ADD3: variants seen among roughly 807,000 people sequenced by gnomAD.
ADD3 encodes gamma-adducin.
ADD3 carries 25 observed loss-of-function variants against 80.2 expected under a neutral mutation model. The ratio of observed to expected loss-of-function variants is 0.31; its 90% CI spans 0.23 to 0.44. The LOEUF (loss-of-function observed/expected upper bound fraction) is 0.44. ADD3 is among the 20% of genes least tolerant of loss of function. The pLI, the probability that ADD3 is intolerant of heterozygous loss-of-function variation, is 1.00. For synonymous variants in ADD3, 284 were observed against 289.6 expected (o/e 0.98, Z 0.20); for missense variants, 829 against 847.5 (o/e 0.98, Z 0.27).
chr10:110,061,814 AAAGT>A (rs963194413), intron 1 of ADD3, among the ~76,000 whole-genome samples: 2 of 152,204 alleles, frequency 1.3e-5, no homozygotes, highest in Non-Finnish European at 2.9e-5. Flanking sequence ...TCACTTGAGC[AAAGT>A]GAGTGCTAGA....
chr10:110,014,356 T>C (rs768207331), intron 1 of ADD3, among the ~76,000 whole-genome samples: 1 of 152,228 alleles, frequency 6.6e-6, no homozygotes, highest in East Asian at 1.9e-4. Context: ...TGATTGGGCA[T>C]AAGTGCCTTG....
At chr10:110,050,027 A>C (rs2133381673) in intron 1 of ADD3, among the ~76,000 whole-genome samples, 1 of 152,262 alleles carries the variant, frequency 6.6e-6, no homozygotes, top group African/African-American at 2.4e-5. Context: ...TGTATCCAGG[A>C]TGTAACTAAC....
At chr10:110,094,389 CTG>C (rs1484302403) in intron 1 of ADD3, among the ~76,000 whole-genome samples, 1 of 152,102 alleles carries the variant, frequency 6.6e-6, no homozygotes, top group Non-Finnish European at 1.5e-5. Flanking sequence ...TTCCTCTCAT[CTG>C]TAAAAAGTGA....
intron 1 of ADD3, among the ~76,000 whole-genome samples, chr10:110,034,089 C>A (rs1361261891): frequency 6.6e-6 from 1 of 152,162 alleles, no homozygotes; most frequent in African/African-American, 2.4e-5. Flanking sequence ...CTAGTTCCAT[C>A]CCGTGGAGCT....
At chr10:110,016,875 A>C (rs1465579135) in intron 1 of ADD3, among the ~76,000 whole-genome samples, 1 of 152,220 alleles carries the variant, frequency 6.6e-6, no homozygotes, top group Non-Finnish European at 1.5e-5. Flanking sequence ...GTGGAGGTTT[A>C]AGGTATCTGG....
intron 1 of ADD3, among the ~76,000 whole-genome samples, chr10:110,040,747 A>G (rs1856208826): frequency 6.6e-6 from 1 of 152,170 alleles, no homozygotes; most frequent in African/African-American, 2.4e-5. Context: ...GCCAGGAGAG[A>G]GAGAGTGCCT....
intron 1 of ADD3, among the ~76,000 whole-genome samples, chr10:110,065,484 GTCTGTC>G (rs1015518434): frequency 5.6e-4 from 11 of 19,708 alleles, no homozygotes; most frequent in African/African-American, 9.7e-4. Flanking sequence ...GTCTGTCTCT[GTCTGTC>G]TCTCTCTCTC....
chr10:110,021,114 A>G (rs1026303074), intron 1 of ADD3, among the ~76,000 whole-genome samples: 11 of 152,194 alleles, frequency 7.2e-5, no homozygotes, highest in African/African-American at 2.2e-4. Context: ...GGTTTGAAGT[A>G]TTTCTATACA....
Position 110,134,694 on chromosome 10 carries a change from G to A in ADD3, c.*1076G>A, listed in dbSNP as rs769326961. The A allele has an allele frequency of 1.3e-5, 2 of 152,614 alleles. No homozygotes were observed. Among genetic ancestry groups the A allele is most frequent in the Non-Finnish European group, 2.9e-5 (2 of 68,026 alleles). 9.5% of individuals were successfully genotyped at this position (152,614 alleles called of 1,614,324 possible). On this transcript the variant is annotated 3_prime_UTR_variant, in exon 15 of 15. Coordinates refer to ENST00000356080, the MANE Select transcript of ADD3 (RefSeq NM_016824.5). ...TAGTTTGATGGTGACTCATATTCAC[G>A]ATAGGATACAAAGTGTGATTTGTTG...
intron 1 of ADD3, among the ~76,000 whole-genome samples, chr10:110,044,982 A>T (rs1856764943): frequency 6.6e-6 from 1 of 152,264 alleles, no homozygotes; most frequent in Non-Finnish European, 1.5e-5. Context: ...CCTGAGGAAG[A>T]ACGTCAGTTA....
intron 2 of ADD3, among the ~76,000 whole-genome samples, chr10:110,110,983 GAA>G (rs113712963): frequency 2.1e-5 from 3 of 144,794 alleles, no homozygotes; most frequent in African/African-American, 5.0e-5. Context: ...CAACAGAGCG[GAA>G]AAAAAAAAAG....
Position 110,116,300 on chromosome 10 carries a change from G to A in ADD3, c.376G>A (p.Asp126Asn). ...VTPINDLPGA[D>N]TSSYVKGEKL... ...ACCTATCAATGACCTTCCTGGTGCAGATACATCCTCATATGTGAAGGGAGA... is the reference window on the plus strand; with the variant it reads ...ACCTATCAATGACCTTCCTGGTGCAAATACATCCTCATATGTGAAGGGAGA... Residue 126 changes from aspartate (D) to asparagine (N), a missense_variant, in exon 4 of 15, where the codon GAT becomes AAT. By Grantham distance (23) the Asp-to-Asn change is conservative. Transcript: ENST00000356080. 1 of 1,614,124 alleles carries A rather than the reference G, an allele frequency of 6.2e-7. No individual in the cohort carries two copies.
At position 110,026,363 on chromosome 10, in the gene ADD3, C is replaced by A. The variant is rs1030179892; in HGVS notation, c.-30+18064C>A. ...GTGGCGTGATCTCGGCTCACTGCAA[C>A]CTCAGCCTCCCGGTTCAAGCAATTC... is the stretch of plus-strand genomic sequence containing the variant. On this transcript the variant is annotated intron_variant, in intron 1 of 14. Coordinates refer to ENST00000356080, the MANE Select transcript of ADD3 (RefSeq NM_016824.5). Among the ~76,000 whole-genome samples the A allele has an allele frequency of 4.0e-5, 6 of 149,600 alleles. No individual in the cohort carries two copies. The East Asian group carries it at 1.2e-3, about 30-fold the overall frequency.
At chr10:110,070,741 A>G (rs1408111180) in intron 1 of ADD3, among the ~76,000 whole-genome samples, 1 of 152,114 alleles carries the variant, frequency 6.6e-6, no homozygotes, top group African/African-American at 2.4e-5. Context: ...TGAAGGATAA[A>G]GATTGGGGGG....
intron 1 of ADD3, among the ~76,000 whole-genome samples, chr10:110,077,543 A>T (rs909942444): frequency 2.0e-5 from 3 of 151,990 alleles, no homozygotes; most frequent in Admixed American, 6.6e-5. Context: ...TCATTGAATT[A>T]AAAAAAAGGC....
intron 1 of ADD3, among the ~76,000 whole-genome samples, chr10:110,039,170 T>C (rs1855999532): frequency 6.6e-6 from 1 of 152,194 alleles, no homozygotes; most frequent in Non-Finnish European, 1.5e-5. Flanking sequence ...CTTCTGGTAT[T>C]GAGCCTTCCT....
chr10:110,111,779 G>A (rs1458216357), intron 2 of ADD3, among the ~76,000 whole-genome samples: 1 of 152,088 alleles, frequency 6.6e-6, no homozygotes, highest in African/African-American at 2.4e-5. Context: ...GCCGGGTGGT[G>A]GCGCATGCCT....
chr10:110,040,983 TCTCC>T (rs1392899783), intron 1 of ADD3, among the ~76,000 whole-genome samples: 1 of 151,542 alleles, frequency 6.6e-6, no homozygotes, highest in Non-Finnish European at 1.5e-5. Context: ...TCTCTCTCTC[TCTCC>T]GTGTGTCTGT....
At chr10:109,997,341 A>C (rs183420364) in intron 1 of ADD3, among the ~76,000 whole-genome samples, 19 of 152,350 alleles carry the variant, frequency 1.2e-4, no homozygotes, top group Admixed American at 6.5e-4. Context: ...TGAGGTAAAA[A>C]AAGGCTCCAA....
Sources: allele counts gnomAD v4.1 joint callset (sites outside exome capture counted in the v4.1 genomes callset), GRCh38; gene constraint gnomAD v4.1.1; transcripts MANE v1.5; gene names NCBI Gene and HGNC (gene_info 2026-07-23, HGNC 2026-07-21).